ERBB2: variants seen among roughly 807,000 people sequenced by gnomAD.
ERBB2 encodes erb-b2 receptor tyrosine kinase 2, also known as receptor tyrosine-protein kinase erbB-2.
In ERBB2, 61 loss-of-function variants were observed where a neutral mutation model predicts 149.0. That is an observed-to-expected ratio of 0.41 (90% CI 0.33 to 0.51). The LOEUF (loss-of-function observed/expected upper bound fraction) is 0.51, where lower values mean the gene tolerates loss of function less well. ERBB2 is among the 20% of genes least tolerant of loss of function. The pLI is 0.25. For synonymous variants in ERBB2, 633 were observed against 678.8 expected, an observed-to-expected ratio of 0.93 and a Z score of 1.05; for missense variants, 1,205 against 1,655.1, an observed-to-expected ratio of 0.73 and a Z score of 4.72.
chr17:39,706,297 A>C (rs1425909558), intron 1 of ERBB2, among the ~76,000 whole-genome samples: 1 of 152,200 alleles, frequency 6.6e-6, no homozygotes, highest in East Asian at 1.9e-4. Context: ...GTGCCAGCGC[A>C]GGAACCTTTG....
At chr17:39,707,205 G>T (rs753743346) in intron 2 of ERBB2, 64 bp downstream of exon 2, 2 of 1,389,638 alleles carry the variant, frequency 1.4e-6, no homozygotes, top group Non-Finnish European at 1.9e-6. Context: ...CTGTTTACAG[G>T]TGGGTGGCAG....
chr17:39,691,979 G>A (rs920668277), upstream of ERBB2, among the ~76,000 whole-genome samples: 12 of 141,044 alleles, frequency 8.5e-5, no homozygotes, highest in African/African-American at 3.0e-4. Flanking sequence ...TCAGCCTCCC[G>A]AGTAGCTGGG....
At chr17:39,691,928 C>CATATATATATATATATATATAT, upstream of ERBB2, among the ~76,000 whole-genome samples, 2 of 93,646 alleles carry the variant, frequency 2.1e-5, no homozygotes, top group Admixed American at 2.1e-4. Context: ...TATACATATA[C>CATATATATATATATATATATAT]ATATACATAT....
chr17:39,724,017 C>T lies in ERBB2; in HGVS notation c.2307+7C>T, dbSNP rs2059593023. On this transcript the variant is annotated splice_region_variant and intron_variant, in intron 19 of 26. Coordinates refer to ENST00000269571, the MANE Select transcript of ERBB2 (RefSeq NM_004448.4). Reference sequence around the variant, plus strand: ...CAACAAAGAAATCTTAGACGTAAGCCCCTCCACCCTCTCCTGCTAGGAGGA... The same window carrying T: ...CAACAAAGAAATCTTAGACGTAAGCTCCTCCACCCTCTCCTGCTAGGAGGA... 1 of 1,602,584 alleles carries T rather than the reference C, an allele frequency of 6.2e-7. No individual in the cohort carries two copies.
At chr17:39,721,131 G>A (rs955970121) in intron 16 of ERBB2, among the ~76,000 whole-genome samples, 9 of 151,960 alleles carry the variant, frequency 5.9e-5, no homozygotes, top group African/African-American at 2.2e-4. Context: ...AATTTTTTTT[G>A]TATAGACAGG....
rs1251558196 is a variant in ERBB2, at chr17:39,723,260, C to T, written c.1947-59C>T. 7 of 1,572,794 alleles carry T rather than the reference C, an allele frequency of 4.5e-6. No individual in the cohort carries two copies. Among genetic ancestry groups the T allele is most frequent in the Non-Finnish European group, 6.1e-6 (7 of 1,147,688 alleles). On this transcript the variant is annotated intron_variant, in intron 16 of 26. Transcript: ENST00000269571. This position sits in a 1 kb window ranked among gnomAD's most constrained non-coding sequence, Gnocchi z 6.2. ...ACACCTTCATGTCCCCCGTGGGCCCCCTTTGTCCCTCCCACCCCAAACTAG... is the reference window on the plus strand; with the variant it reads ...ACACCTTCATGTCCCCCGTGGGCCCTCTTTGTCCCTCCCACCCCAAACTAG...
chr17:39,727,572 A>G lies in ERBB2; in HGVS notation c.3412+25A>G, dbSNP rs1247057105. On this transcript the variant is annotated intron_variant, in intron 26 of 26. Transcript: ENST00000269571. This position sits in a 1 kb window ranked among gnomAD's most constrained non-coding sequence, Gnocchi z 4.3. ...GGTATGGAGTCCAGTCTAAGCAGAG[A>G]GACTGATGGGCAGGGGAGGTGGGAC... The G allele has an allele frequency of 6.3e-7, 1 of 1,586,534 alleles. No homozygotes were observed. The highest frequency in any genetic ancestry group is 2.0e-5 in the Admixed American group (1 of 49,466).
chr17:39,692,213 AT>A (rs1280539858), upstream of ERBB2, among the ~76,000 whole-genome samples: 1 of 152,020 alleles, frequency 6.6e-6, no homozygotes, highest in African/African-American at 2.4e-5. Flanking sequence ...GTGTGTATGC[AT>A]GTGTATGTAC....
chr17:39,700,198 G>T lies in ERBB2; in HGVS notation c.-41G>T. 2 of 1,409,272 alleles carry T rather than the reference G, an allele frequency of 1.4e-6. No individual in the cohort carries two copies. Among genetic ancestry groups the T allele is most frequent in the Non-Finnish European group, 1.8e-6 (2 of 1,086,250 alleles). 87.3% of individuals were successfully genotyped at this position (1,409,272 alleles called of 1,614,324 possible). A position where few individuals can be genotyped will look rare whatever the true frequency, so the allele number is the denominator to read the frequency against. On this transcript the variant is annotated 5_prime_UTR_variant, in exon 1 of 27. Coordinates refer to ENST00000269571, the MANE Select transcript of ERBB2 (RefSeq NM_004448.4). ...CCCGCGCCCCGCGCCCTCCCAGCCG[G>T]GTCCAGCCGGAGCCATGGGGCCGGA...
intron 2 of ERBB2, 53 bp downstream of exon 2, chr17:39,707,194 T>G (rs761750231): frequency 6.8e-7 from 1 of 1,463,174 alleles, no homozygotes; most frequent in Non-Finnish European, 9.1e-7. Context: ...GGCTGAGCCC[T>G]CTGTTTACAG....
At chr17:39,708,638 C>T in intron 3 of ERBB2, 104 bp downstream of exon 3, 2 of 874,820 alleles carry the variant, frequency 2.3e-6, no homozygotes, top group Non-Finnish European at 3.6e-6. Flanking sequence ...GGTGTCCCTT[C>T]TGGGCAGACG....
Position 39,724,845 on chromosome 17 carries a change from T to C in ERBB2, c.2427T>C (p.His809=), listed in dbSNP as rs1398689580. ...QLMPYGCLLD[H]VRENRGRLGS... is the part of the protein sequence containing the mutation. ...TGCCCTATGGCTGCCTCTTAGACCA[T>C]GTCCGGGAAAACCGCGGACGCCTGG... is the stretch of plus-strand genomic sequence containing the variant. Residue 809 remains histidine, a synonymous_variant, in exon 20 of 27, where the codon CAT becomes CAC. Coordinates refer to ENST00000269571, the MANE Select transcript of ERBB2 (RefSeq NM_004448.4). 5 of 1,614,106 alleles carry C rather than the reference T, an allele frequency of 3.1e-6. 1 individual carries two copies. Among genetic ancestry groups the C allele is most frequent in the Middle Eastern group, 3.3e-4 (2 of 6,084 alleles).
chr17:39,726,275 G>A lies in ERBB2; in HGVS notation c.2873-287G>A. 4.2e-6 allele frequency: 2 copies of A among 473,806 alleles called. No individual in the cohort carries two copies. The highest frequency in any genetic ancestry group is 7.6e-6 in the Non-Finnish European group (2 of 261,906). 29.4% of individuals were successfully genotyped at this position (473,806 alleles called of 1,614,324 possible). On this transcript the variant is annotated intron_variant, in intron 23 of 26. Transcript: ENST00000269571. This position sits in a 1 kb window ranked among gnomAD's most constrained non-coding sequence, Gnocchi z 5.1. ...CACTTGAGCCTAGTTTAAGGTTGCA[G>A]TAAGCTATGATTGCACCACTGAAAT...
Position 39,723,784 on chromosome 17 carries a change from G to C in ERBB2, c.2208+124G>C. The C allele has an allele frequency of 6.7e-7, 1 of 1,500,880 alleles. No individual in the cohort carries two copies. The highest frequency in any genetic ancestry group is 9.1e-7 in the Non-Finnish European group (1 of 1,103,952). 93.0% of individuals were successfully genotyped at this position (1,500,880 alleles called of 1,614,324 possible). A position where few individuals can be genotyped will look rare whatever the true frequency, so the allele number is the denominator to read the frequency against. On this transcript the variant is annotated intron_variant, in intron 18 of 26. Transcript: ENST00000269571. The surrounding 1 kb of genome is among the most constrained non-coding windows in gnomAD (Gnocchi z 6.2). ...CAGTGTTTGGGGGAGGGCAGTTACA[G>C]CGGAGAAGGGAGCGGGGCCAAGCCC...
At chr17:39,708,213 C>T in intron 2 of ERBB2, 108 bp from the exon 3 acceptor site, 1 of 738,038 alleles carries the variant, frequency 1.4e-6, no homozygotes, top group South Asian at 1.7e-5. Flanking sequence ...CAGGACTGCT[C>T]AGTGGCTGGG....
chr17:39,691,905 ATAT>A (rs1264785578), upstream of ERBB2, among the ~76,000 whole-genome samples: 1 of 98,808 alleles, frequency 1.0e-5, no homozygotes, highest in Non-Finnish European at 2.1e-5. Flanking sequence ...ATATAGATAT[ATAT>A]ACATATACAT....
intron 1 of ERBB2, 32 bp downstream of exon 1, chr17:39,700,343 C>T (rs1472079883): frequency 7.6e-7 from 1 of 1,321,778 alleles, no homozygotes; most frequent in South Asian, 2.0e-5. Flanking sequence ...GACGGAGCAG[C>T]GGCGGGACCC....
In ERBB2 at chr17:39,709,879, G is replaced by T. The variant is rs753902254; in HGVS notation, c.641G>T (p.Ser214Ile). 28 of 1,613,430 alleles carry T rather than the reference G, an allele frequency of 1.7e-5. No homozygotes were observed. In the South Asian group the frequency reaches 3.1e-4, roughly 18 times the overall value. Residue 214 changes from serine to isoleucine, a missense_variant and splice_region_variant, in exon 5 of 27, where the codon AGC becomes ATC. Coordinates refer to ENST00000269571, the MANE Select transcript of ERBB2 (RefSeq NM_004448.4). ...GGAGAGAGTTCTGAGGATTGTCAGAGCCGTGAGTCTCAGGGAGGCCTGGAG... is the reference window on the plus strand; with the variant it reads ...GGAGAGAGTTCTGAGGATTGTCAGATCCGTGAGTCTCAGGGAGGCCTGGAG... ...CWGESSEDCQ[S>I]LTRTVCAGGC...
In ERBB2 at chr17:39,725,111, G is replaced by C. The variant is rs2059677440; in HGVS notation, c.2556G>C (p.Leu852=). ...GGGACTTGGCCGCTCGGAACGTGCT[G>C]GTCAAGAGTCCCAACCATGTCAAAA... The part of the protein sequence containing the change: ...VHRDLAARNV[L]VKSPNHVKIT... The change falls in exon 21 of 27, where the codon CTG becomes CTC. Residue 852 remains leucine (L), a synonymous_variant. Transcript: ENST00000269571. This position sits in a 1 kb window ranked among gnomAD's most constrained non-coding sequence, Gnocchi z 4.6. 6.2e-7 allele frequency: 1 copy of C among 1,614,024 alleles called. No individual in the cohort carries two copies. The highest frequency in any genetic ancestry group is 1.7e-5 in the Admixed American group (1 of 60,000).
Sources: gnomAD v4.1 joint callset for allele counts (sites outside exome capture counted in the v4.1 genomes callset) on GRCh38, gnomAD v4.1.1 for gene constraint, Gnocchi (gnomAD v3.1) non-coding constraint, MANE v1.5 for transcripts, NCBI Gene and HGNC (gene_info 2026-07-23, HGNC 2026-07-21) for gene names.